The following LRCH1 variants were observed in gnomAD, a reference collection of about 807,000 sequenced individuals.
LRCH1 encodes leucine rich repeats and calponin homology domain containing 1, also known as leucine-rich repeat and calponin homology domain-containing protein 1.
Under a neutral mutation model 94.9 loss-of-function variants are expected in LRCH1, and 23 were observed. The observed-to-expected ratio is 0.24, with a 90% CI of 0.17 to 0.34. The LOEUF is 0.34. LRCH1 is among the 10% of genes least tolerant of loss of function. The pLI is 1.00. For synonymous variants in LRCH1, 364 were observed against 354.9 expected, an observed-to-expected ratio of 1.03 and a Z score of -0.29; for missense variants, 790 against 945.9, an observed-to-expected ratio of 0.84 and a Z score of 2.16.
At chr13:46,623,693 G>GTTTTTTTTTTTT (rs5803361) in intron 1 of LRCH1, among the ~76,000 whole-genome samples, 20 of 128,472 alleles carry the variant, frequency 1.6e-4, no homozygotes, top group Admixed American at 2.4e-4. Context: ...CCCTGTCTCT[G>GTTTTTTTTTTTT]TTTTTTTTTT....
At chr13:46,600,532 G>A (rs2050615948) in intron 1 of LRCH1, among the ~76,000 whole-genome samples, 1 of 151,880 alleles carries the variant, frequency 6.6e-6, no homozygotes, top group South Asian at 2.1e-4. Context: ...TTACTGCTGA[G>A]CCTAAGACAG....
At chr13:46,725,533 T>G (rs1027265529) in intron 17 of LRCH1, among the ~76,000 whole-genome samples, 1 of 152,126 alleles carries the variant, frequency 6.6e-6, no homozygotes, top group Non-Finnish European at 1.5e-5. Context: ...GGAGAGATAG[T>G]AAATAAGACG....
intron 1 of LRCH1, among the ~76,000 whole-genome samples, chr13:46,562,524 A>C (rs2050141092): frequency 6.6e-6 from 1 of 152,164 alleles, no homozygotes; most frequent in African/African-American, 2.4e-5. Context: ...ATTGGGACCC[A>C]CCCATAGGAC....
At chr13:46,699,875 C>T (rs1871376326) in intron 10 of LRCH1, among the ~76,000 whole-genome samples, 1 of 152,188 alleles carries the variant, frequency 6.6e-6, no homozygotes, top group African/African-American at 2.4e-5. Flanking sequence ...GTCCTAAATA[C>T]TTGACAGGCC....
chr13:46,661,805 T>C (rs1197653540), intron 2 of LRCH1, among the ~76,000 whole-genome samples: 1 of 152,262 alleles, frequency 6.6e-6, no homozygotes, highest in Non-Finnish European at 1.5e-5. Flanking sequence ...TTATTATGAA[T>C]ATTTTTATTA....
At chr13:46,652,810 C>A (rs1280196327) in intron 2 of LRCH1, among the ~76,000 whole-genome samples, 1 of 152,144 alleles carries the variant, frequency 6.6e-6, no homozygotes, top group Non-Finnish European at 1.5e-5. Context: ...TGTATTTAGT[C>A]CATGTTCATT....
At chr13:46,564,903 G>T (rs934747448) in intron 1 of LRCH1, among the ~76,000 whole-genome samples, 36 of 152,304 alleles carry the variant, frequency 2.4e-4, no homozygotes, top group Admixed American at 7.8e-4. Context: ...GTCACTTTCT[G>T]TCCTTAATTT....
At chr13:46,576,564 T>C (rs1383626451) in intron 1 of LRCH1, among the ~76,000 whole-genome samples, 1 of 152,230 alleles carries the variant, frequency 6.6e-6, no homozygotes, top group Non-Finnish European at 1.5e-5. Flanking sequence ...GAGCTTTACA[T>C]GTTGTCTCCT....
intron 3 of LRCH1, among the ~76,000 whole-genome samples, chr13:46,678,902 T>C (rs550269742): frequency 1.3e-5 from 2 of 152,360 alleles, no homozygotes; most frequent in East Asian, 3.9e-4. Context: ...ATGCTGTGAA[T>C]AACGTGCTAC....
At chr13:46,699,622 T>G (rs540959274) in intron 10 of LRCH1, among the ~76,000 whole-genome samples, 13 of 152,324 alleles carry the variant, frequency 8.5e-5, no homozygotes, top group African/African-American at 2.9e-4. Flanking sequence ...GAGTCTTATT[T>G]GTTTTGAGGT....
At chr13:46,634,632 A>T (rs9526208) in intron 1 of LRCH1, among the ~76,000 whole-genome samples, 1 of 152,190 alleles carries the variant, frequency 6.6e-6, no homozygotes, top group Non-Finnish European at 1.5e-5. Context: ...ACCTTTGCAG[A>T]GTTGAGATAT....
intron 9 of LRCH1, among the ~76,000 whole-genome samples, chr13:46,697,128 A>C (rs1475574172): frequency 6.6e-6 from 1 of 152,122 alleles, no homozygotes; most frequent in East Asian, 1.9e-4. Flanking sequence ...AGCATCTTGG[A>C]CCTTTGCAAC....
At chr13:46,655,173 C>A (rs769039321) in intron 2 of LRCH1, among the ~76,000 whole-genome samples, 1 of 151,946 alleles carries the variant, frequency 6.6e-6, no homozygotes, top group African/African-American at 2.4e-5. Context: ...ATGATGGTGG[C>A]GGTGGTGGTG....
At chr13:46,691,662 G>C (rs1057409548) in intron 7 of LRCH1, among the ~76,000 whole-genome samples, 5 of 152,176 alleles carry the variant, frequency 3.3e-5, no homozygotes, top group African/African-American at 1.2e-4. Context: ...CAACGAGGTT[G>C]GGGGAGAGCA....
At chr13:46,641,538 G>T (rs554635138) in intron 1 of LRCH1, among the ~76,000 whole-genome samples, 1 of 152,278 alleles carries the variant, frequency 6.6e-6, no homozygotes, top group Admixed American at 6.5e-5. Flanking sequence ...ACATGTTTAT[G>T]ATGTCATTTG....
rs918712809 is a variant in LRCH1 at position 46,687,775 on chromosome 13, T to C, written c.823-77T>C. On this transcript the variant is annotated intron_variant, in intron 5 of 19. Transcript: ENST00000389797. ...AAATGAAACTGGGAAAATTGAAATA[T>C]ACAGAGTAAGGATTTGATACTTACA... The C allele has an allele frequency of 2.9e-5, 36 of 1,244,436 alleles. No individual in the cohort carries two copies. In the African/African-American group the frequency reaches 4.2e-4, roughly 14 times the overall value. 77.1% of individuals were successfully genotyped at this position (1,244,436 alleles called of 1,614,324 possible).
Position 46,587,918 on chromosome 13 carries a change from C to T in LRCH1, c.307+34215C>T, listed in dbSNP as rs7323063. Among the ~76,000 whole-genome samples, 100 of 152,292 alleles carry T rather than the reference C, an allele frequency of 6.6e-4. 1 individual carries two copies. The highest frequency in any genetic ancestry group is 2.0e-3 in the African/African-American group (83 of 41,560). On this transcript the variant is annotated intron_variant, in intron 1 of 19. Coordinates refer to ENST00000389797, the MANE Select transcript of LRCH1 (RefSeq NM_001164211.2). ...CTCCCAATTGCTGAAATTATTCTTACGGTTTCCATTTCATTGTGGTACCAT... is the reference window on the plus strand; with the variant it reads ...CTCCCAATTGCTGAAATTATTCTTATGGTTTCCATTTCATTGTGGTACCAT...
At chr13:46,679,430 C>T (rs777865272) in intron 3 of LRCH1, among the ~76,000 whole-genome samples, 7 of 152,216 alleles carry the variant, frequency 4.6e-5, no homozygotes, top group Admixed American at 6.5e-5. Flanking sequence ...TTTCACTGTT[C>T]TCTTCTCCCA....
At chr13:46,620,050 T>C (rs2050863029) in intron 1 of LRCH1, among the ~76,000 whole-genome samples, 1 of 152,232 alleles carries the variant, frequency 6.6e-6, no homozygotes, top group Admixed American at 6.5e-5. Context: ...GTATTCGTAT[T>C]TGATTGTTAA....
Sources: gnomAD v4.1 joint callset for allele counts (sites outside exome capture counted in the v4.1 genomes callset) on GRCh38, gnomAD v4.1.1 for gene constraint, MANE v1.5 for transcripts, NCBI Gene and HGNC (gene_info 2026-07-23, HGNC 2026-07-21) for gene names.